TLCD3A: variants seen among roughly 807,000 people sequenced by gnomAD.
The protein encoded by TLCD3A is TLC domain-containing protein 3A.
TLCD3A carries 17 observed loss-of-function variants against 29.9 expected under a neutral mutation model. The ratio of observed to expected loss-of-function variants is 0.57; its 90% CI spans 0.39 to 0.85. The LOEUF is 0.85. Among genes scored for constraint, TLCD3A ranks in the 40% least tolerant of loss-of-function variants. The pLI, the probability that TLCD3A is intolerant of heterozygous loss-of-function variation, is 0.00. For synonymous variants in TLCD3A, 143 were observed against 147.7 expected (o/e 0.97, Z 0.23); for missense variants, 332 against 350.8 (o/e 0.95, Z 0.43).
At chr17:734,117 C>T (rs1300905241) in intron 2 of TLCD3A, among the ~76,000 whole-genome samples, 1 of 152,144 alleles carries the variant, frequency 6.6e-6, no homozygotes, top group African/African-American at 2.4e-5. Context: ...TACGATAGAT[C>T]AAGTGACATC....
chr17:738,974 A>T (rs1384386171), intron 3 of TLCD3A, among the ~76,000 whole-genome samples: 1 of 152,212 alleles, frequency 6.6e-6, no homozygotes, highest in Non-Finnish European at 1.5e-5. Context: ...ATACAAATAT[A>T]ATACAAAGCA....
chr17:741,205 C>A (rs1326278806), intron 4 of TLCD3A, 96 bp from the exon 5 acceptor site: 32 of 1,291,062 alleles, frequency 2.5e-5, no homozygotes, highest in Non-Finnish European at 3.4e-5. Context: ...AGCACCTGCA[C>A]CTGTGTGGCA....
intron 3 of TLCD3A, among the ~76,000 whole-genome samples, chr17:738,579 T>C (rs1974201099): frequency 6.6e-6 from 1 of 152,068 alleles, no homozygotes. Flanking sequence ...ATCAACATAC[T>C]TTTTCTTTTT....
Position 732,773 on chromosome 17 carries a change from C to T in TLCD3A, c.122+4C>T. On this transcript the variant is annotated splice_donor_region_variant and intron_variant, in intron 1 of 4. Coordinates refer to ENST00000308278, the MANE Select transcript of TLCD3A (RefSeq NM_024792.3). ...ACTGCGTGATGATCAGCACCAGGTA[C>T]CGGCGCCGCCGAGACGCCCCCCGAG... is the stretch of plus-strand genomic sequence containing the variant. 2 of 1,446,770 alleles carry T rather than the reference C, an allele frequency of 1.4e-6. No homozygotes were observed. The highest frequency in any genetic ancestry group is 1.8e-6 in the Non-Finnish European group (2 of 1,101,368). 89.6% of individuals were successfully genotyped at this position (1,446,770 alleles called of 1,614,324 possible).
chr17:733,421 C>G (rs934027642), intron 2 of TLCD3A, among the ~76,000 whole-genome samples: 6 of 152,230 alleles, frequency 3.9e-5, no homozygotes, highest in African/African-American at 1.4e-4. Context: ...GATCCAGGTC[C>G]TTCATGGAAG....
At chr17:734,130 T>C (rs1435481567) in intron 2 of TLCD3A, among the ~76,000 whole-genome samples, 2 of 152,180 alleles carry the variant, frequency 1.3e-5, no homozygotes, top group East Asian at 1.9e-4. Context: ...GTGACATCGA[T>C]TGTAGACACC....
At chr17:734,163 G>C (rs1440911712) in intron 2 of TLCD3A, among the ~76,000 whole-genome samples, 1 of 150,920 alleles carries the variant, frequency 6.6e-6, no homozygotes. Flanking sequence ...TGGTGTGGCT[G>C]GGTACAATTT....
intron 1 of TLCD3A, 64 bp downstream of exon 1, chr17:732,833 G>T: frequency 7.2e-7 from 1 of 1,381,006 alleles, no homozygotes; most frequent in South Asian, 1.6e-5. Flanking sequence ...CCACCCGGCC[G>T]CGGGGCCCAG....
intron 2 of TLCD3A, among the ~76,000 whole-genome samples, chr17:737,000 CT>C (rs1248523405): frequency 6.7e-6 from 1 of 150,024 alleles, no homozygotes; most frequent in Non-Finnish European, 1.5e-5. Context: ...TCTAGAATTG[CT>C]TTTTGGGTTT....
rs377136925 is a variant in TLCD3A, at chr17:736,156, T to C, written c.207-1690T>C. Among the ~76,000 whole-genome samples, 22 of 152,220 alleles carry C rather than the reference T, an allele frequency of 1.4e-4. No homozygotes were observed. In the East Asian group the frequency reaches 1.7e-3, roughly 12 times the overall value. ...GCGCCTCCGTAGACTGTATTTCCAG[T>C]GTTGCAGTTCAGCGGACTGGCTGCG... On this transcript the variant is annotated intron_variant, in intron 2 of 4. Coordinates refer to ENST00000308278, the MANE Select transcript of TLCD3A (RefSeq NM_024792.3).
chr17:741,232 T>C, intron 4 of TLCD3A, 69 bp from the exon 5 acceptor site: 2 of 1,544,002 alleles, frequency 1.3e-6, no homozygotes, highest in Non-Finnish European at 1.8e-6. Flanking sequence ...GTGGTGGGAC[T>C]TGGGCCCGTC....
At chr17:733,072 C>T in intron 1 of TLCD3A, 26 bp from the exon 2 acceptor site, 1 of 1,514,866 alleles carries the variant, frequency 6.6e-7, no homozygotes, top group Non-Finnish European at 8.9e-7. Context: ...ACTGAGCGCG[C>T]GCGCTGTTCT....
At chr17:734,671 T>G (rs1403531691) in intron 2 of TLCD3A, among the ~76,000 whole-genome samples, 5 of 152,194 alleles carry the variant, frequency 3.3e-5, no homozygotes, top group African/African-American at 1.2e-4. Flanking sequence ...ATTATATGCC[T>G]TCTCATTTTA....
In TLCD3A at chr17:741,525, G is replaced by A. The variant is rs369247141; in HGVS notation, c.729G>A (p.Lys243=). The A allele has an allele frequency of 2.5e-6, 4 of 1,613,948 alleles. No homozygotes were observed. In the African/African-American group the frequency reaches 5.3e-5, roughly 22 times the overall value. ...ACTGGTTCTGTCTGCTGTGCAGGAA[G>A]GCAGTCCGGCTCTTTGACACTCCCC... The part of the protein sequence containing the change: ...QIYWFCLLCR[K]AVRLFDTPQA... Residue 243 remains lysine, a synonymous_variant, in exon 5 of 5, where the codon AAG becomes AAA. Coordinates refer to ENST00000308278, the MANE Select transcript of TLCD3A (RefSeq NM_024792.3).
intron 2 of TLCD3A, among the ~76,000 whole-genome samples, chr17:734,987 A>G (rs531128351): frequency 6.7e-6 from 1 of 148,494 alleles, no homozygotes; most frequent in South Asian, 2.2e-4. Context: ...CAGCCTGTAT[A>G]GTACCTTTTA....
chr17:739,958 G>A (rs979792021), intron 3 of TLCD3A, among the ~76,000 whole-genome samples: 3 of 152,102 alleles, frequency 2.0e-5, no homozygotes, highest in African/African-American at 7.2e-5. Context: ...AGGCAGGAGA[G>A]TCATTTGAAC....
chr17:735,355 C>T (rs1597542045), intron 2 of TLCD3A, among the ~76,000 whole-genome samples: 1 of 152,306 alleles, frequency 6.6e-6, no homozygotes, highest in East Asian at 1.9e-4. Flanking sequence ...GCAGTTTTGA[C>T]AGGTAAGACA....
Position 732,774 on chromosome 17 carries a change from C to A in TLCD3A, c.122+5C>A. On this transcript the variant is annotated splice_donor_5th_base_variant and intron_variant, in intron 1 of 4. Transcript: ENST00000308278. ...CTGCGTGATGATCAGCACCAGGTACCGGCGCCGCCGAGACGCCCCCCGAGG... is the reference window on the plus strand; with the variant it reads ...CTGCGTGATGATCAGCACCAGGTACAGGCGCCGCCGAGACGCCCCCCGAGG... 1 of 1,446,276 alleles carries A rather than the reference C, an allele frequency of 6.9e-7. No homozygotes were observed. The highest frequency in any genetic ancestry group is 9.1e-7 in the Non-Finnish European group (1 of 1,101,196). The allele number at this position is 1,446,276 out of a possible 1,614,324, so 89.6% of individuals were successfully genotyped here. A position where few individuals can be genotyped will look rare whatever the true frequency, so the allele number is the denominator to read the frequency against.
chr17:739,588 T>C (rs1974216910), intron 3 of TLCD3A, among the ~76,000 whole-genome samples: 1 of 152,260 alleles, frequency 6.6e-6, no homozygotes. Flanking sequence ...TCCTCCCGTC[T>C]CAGCCTCCCA....
Sources: allele counts gnomAD v4.1 joint callset (sites outside exome capture counted in the v4.1 genomes callset), GRCh38; gene constraint gnomAD v4.1.1; transcripts MANE v1.5; gene names NCBI Gene and HGNC (gene_info 2026-07-23, HGNC 2026-07-21).